The following NEDD9 variants were observed in gnomAD, a reference collection of about 807,000 sequenced individuals.
NEDD9 encodes the protein enhancer of filamentation 1.
NEDD9 carries 26 observed loss-of-function variants against 76.6 expected under a neutral mutation model. That is an observed-to-expected ratio of 0.34 (90% CI 0.25 to 0.47). NEDD9 has a LOEUF of 0.47. Ranked by LOEUF, NEDD9 falls within the 20% of genes least tolerant of loss-of-function variation. The pLI is 1.00. For synonymous variants in NEDD9, 392 were observed against 414.2 expected, an observed-to-expected ratio of 0.95 and a Z score of 0.65; for missense variants, 937 against 1,058.5, an observed-to-expected ratio of 0.89 and a Z score of 1.59.
At chr6:11,298,433 A>T (rs975133666) in intron 3 of NEDD9, among the ~76,000 whole-genome samples, 2 of 152,318 alleles carry the variant, frequency 1.3e-5, no homozygotes. Flanking sequence ...TAAAAAATTG[A>T]GGTGGTGAAA....
At chr6:11,236,228 T>TG (rs1759596583), upstream of NEDD9, among the ~76,000 whole-genome samples, 1 of 152,176 alleles carries the variant, frequency 6.6e-6, no homozygotes, top group South Asian at 2.1e-4. The surrounding 1 kb of genome is among the most constrained non-coding windows in gnomAD (Gnocchi z 5.5). Context: ...GCTAGAACTC[T>TG]GGGCCTCCGG....
At chr6:11,362,646 G>A (rs1762697975) in intron 1 of NEDD9, among the ~76,000 whole-genome samples, 1 of 152,116 alleles carries the variant, frequency 6.6e-6, no homozygotes, top group Non-Finnish European at 1.5e-5. Context: ...ATTTGTGTAG[G>A]TGTCAAAATC....
chr6:11,355,801 A>G (rs1237004147), intron 1 of NEDD9, among the ~76,000 whole-genome samples: 4 of 152,028 alleles, frequency 2.6e-5, no homozygotes, highest in South Asian at 2.1e-4. Flanking sequence ...GCTCACTGCA[A>G]GCTCCGCCTC....
At chr6:11,289,513 C>T (rs546277207) in intron 3 of NEDD9, among the ~76,000 whole-genome samples, 5 of 152,092 alleles carry the variant, frequency 3.3e-5, no homozygotes, top group Non-Finnish European at 5.9e-5. Context: ...AATGCAGTGG[C>T]GCGATCTTGG....
At position 11,306,840 on chromosome 6, in the gene NEDD9, A is replaced by AT. The variant is rs569849588; in HGVS notation, c.-152-686dup. ...GCTTAGATGCAAAGCCCAGAATTTG[A>AT]TTTTTTGGGAAAAACATGGACTGGG... On this transcript the variant is annotated intron_variant, in intron 2 of 3. Coordinates refer to the NEDD9 transcript ENST00000397378. Among the ~76,000 whole-genome samples, 334 of 152,298 alleles carry AT rather than the reference A, an allele frequency of 2.2e-3. 1 individual carries two copies. The highest frequency in any genetic ancestry group is 2.6e-3 in the Non-Finnish European group (179 of 68,038).
chr6:11,241,513 T>C lies in NEDD9; in HGVS notation c.13-27786A>G, dbSNP rs1759706633. ...AGCTTCCTAGATGGGCTGGATTTTCTGTTTCCAATCTACTTCCGAGCTTTG... is the reference window on the plus strand; with the variant it reads ...AGCTTCCTAGATGGGCTGGATTTTCCGTTTCCAATCTACTTCCGAGCTTTG... On this transcript the variant is annotated intron_variant, in intron 3 of 3. Transcript: ENST00000397378. The surrounding 1 kb of genome is among the most constrained non-coding windows in gnomAD (Gnocchi z 4.0). Among the ~76,000 whole-genome samples, 1 of 152,192 alleles carries C rather than the reference T, an allele frequency of 6.6e-6. No individual in the cohort carries two copies. The highest frequency in any genetic ancestry group is 2.4e-5 in the African/African-American group (1 of 41,440).
intron 2 of NEDD9, among the ~76,000 whole-genome samples, chr6:11,322,476 G>A (rs1303078437): frequency 6.6e-6 from 1 of 152,136 alleles, no homozygotes; most frequent in Non-Finnish European, 1.5e-5. Context: ...GCATCTCGTG[G>A]GTGTGGAGTT....
At chr6:11,358,356 T>C (rs1247182326) in intron 1 of NEDD9, among the ~76,000 whole-genome samples, 5 of 151,342 alleles carry the variant, frequency 3.3e-5, no homozygotes, top group African/African-American at 9.7e-5. Context: ...CAGAAACGCC[T>C]GCCAGTGCAG....
intron 3 of NEDD9, chr6:11,305,009 GAAATC>G (rs1381922883): frequency 1.8e-6 from 2 of 1,139,244 alleles, no homozygotes; most frequent in Non-Finnish European, 2.3e-6. Flanking sequence ...GCCTTCCAGG[GAAATC>G]CTTTTGTTAC....
intron 1 of NEDD9, among the ~76,000 whole-genome samples, chr6:11,345,980 A>C (rs533466664): frequency 6.6e-6 from 1 of 152,228 alleles, no homozygotes; most frequent in East Asian, 1.9e-4. Flanking sequence ...ACCTCCAGGT[A>C]CTCTGCCCCC....
intron 2 of NEDD9, among the ~76,000 whole-genome samples, chr6:11,310,922 C>A (rs956027277): frequency 6.6e-6 from 1 of 152,132 alleles, no homozygotes; most frequent in Non-Finnish European, 1.5e-5. Context: ...CTTTTTCCTT[C>A]CCTCATCCTT....
At chr6:11,229,812 C>T (rs945176923) in intron 1 of NEDD9, among the ~76,000 whole-genome samples, 5 of 152,102 alleles carry the variant, frequency 3.3e-5, no homozygotes, top group African/African-American at 9.7e-5. Context: ...AATGTCTGTC[C>T]GGAGTAATAG....
At chr6:11,306,191 G>A in intron 2 of NEDD9, 2 of 690,264 alleles carry the variant, frequency 2.9e-6, no homozygotes, top group Non-Finnish European at 4.9e-6. Context: ...AGGTTGGTAA[G>A]ATCTGAAAAA....
At chr6:11,264,919 A>T (rs1760177178) in intron 3 of NEDD9, among the ~76,000 whole-genome samples, 1 of 152,158 alleles carries the variant, frequency 6.6e-6, no homozygotes, top group Admixed American at 6.5e-5. Context: ...GGCTGGTCTC[A>T]AACTCCTAGG....
At chr6:11,270,827 GA>G (rs1256742608) in intron 3 of NEDD9, among the ~76,000 whole-genome samples, 1 of 152,228 alleles carries the variant, frequency 6.6e-6, no homozygotes, top group Non-Finnish European at 1.5e-5. Flanking sequence ...GGAAGTCAAA[GA>G]AAGAGAACTG....
At chr6:11,226,722 T>C (rs1759320260) in intron 1 of NEDD9, among the ~76,000 whole-genome samples, 1 of 152,244 alleles carries the variant, frequency 6.6e-6, no homozygotes, top group Non-Finnish European at 1.5e-5. Context: ...TAAACACTTT[T>C]ATCTATATAA....
intron 2 of NEDD9, among the ~76,000 whole-genome samples, chr6:11,211,755 G>A (rs369276767): frequency 2.6e-5 from 4 of 152,148 alleles, no homozygotes; most frequent in African/African-American, 7.2e-5. Context: ...ACGAACCTAC[G>A]CTCAGTTCAT....
intron 1 of NEDD9, among the ~76,000 whole-genome samples, chr6:11,219,326 G>A (rs149330344): frequency 7.3e-4 from 111 of 152,322 alleles, no homozygotes; most frequent in Middle Eastern, 3.4e-3. Context: ...TCATGCGGTC[G>A]TTTGAAGAGA....
intron 3 of NEDD9, among the ~76,000 whole-genome samples, chr6:11,291,267 GT>G (rs869185428): frequency 0.034 from 3,296 of 95,818 alleles, 48 homozygotes; most frequent in African/African-American, 0.14. Context: ...ATAGAATGAG[GT>G]TTTTTTTTTT....
Sources: gnomAD v4.1 joint callset for allele counts (sites outside exome capture counted in the v4.1 genomes callset) on GRCh38, gnomAD v4.1.1 for gene constraint, Gnocchi (gnomAD v3.1) non-coding constraint, MANE v1.5 for transcripts, NCBI Gene and HGNC (gene_info 2026-07-23, HGNC 2026-07-21) for gene names.